The following CDH13 variants were observed in gnomAD, a reference collection of about 807,000 sequenced individuals.
CDH13 encodes cadherin 13, also known as cadherin-13.
Under a neutral mutation model 63.8 loss-of-function variants are expected in CDH13, and 24 were observed. The observed-to-expected ratio is 0.38, with a 90% CI of 0.27 to 0.53. CDH13 has a LOEUF of 0.53. Ranked by LOEUF, CDH13 falls within the 20% of genes least tolerant of loss-of-function variation. The probability of loss-of-function intolerance (pLI) is 0.85; values close to 1 mark genes in which losing one functional copy is unlikely to be tolerated. For synonymous variants in CDH13, 503 were observed against 355.3 expected (o/e 1.42, Z -4.67); for missense variants, 1,049 against 903.1 (o/e 1.16, Z -2.07).
intron 4 of CDH13, among the ~76,000 whole-genome samples, chr16:83,181,565 A>G (rs2038349565): frequency 6.6e-6 from 1 of 152,216 alleles, no homozygotes; most frequent in Non-Finnish European, 1.5e-5. Flanking sequence ...TACATGAGCT[A>G]GAATCTTATG....
intron 8 of CDH13, among the ~76,000 whole-genome samples, chr16:83,609,167 G>A (rs1034276277): frequency 1.3e-5 from 2 of 152,184 alleles, no homozygotes; most frequent in African/African-American, 4.8e-5. Flanking sequence ...CTGTGAGCTG[G>A]CAGCATGCAG....
intron 8 of CDH13, among the ~76,000 whole-genome samples, chr16:83,631,188 C>G (rs534590301): frequency 1.6e-4 from 25 of 152,312 alleles, no homozygotes; most frequent in African/African-American, 5.5e-4. Context: ...GAATGAAGCC[C>G]TCAGGTTATC....
intron 4 of CDH13, among the ~76,000 whole-genome samples, chr16:83,158,282 C>T (rs2037299595): frequency 6.6e-6 from 1 of 152,122 alleles, no homozygotes; most frequent in South Asian, 2.1e-4. Context: ...AGATTGTTTC[C>T]TGCTCCCTCC....
At chr16:82,676,376 TCA>T (rs937112309) in intron 1 of CDH13, among the ~76,000 whole-genome samples, 2 of 152,030 alleles carry the variant, frequency 1.3e-5, no homozygotes, top group African/African-American at 4.8e-5. Flanking sequence ...TTCCCCTTTC[TCA>T]CAGTCAATTA....
At chr16:83,381,064 T>C (rs1412480377) in intron 6 of CDH13, among the ~76,000 whole-genome samples, 1 of 152,190 alleles carries the variant, frequency 6.6e-6, no homozygotes, top group Non-Finnish European at 1.5e-5. Flanking sequence ...TTTTAATAAA[T>C]TCTGCAATTA....
intron 2 of CDH13, among the ~76,000 whole-genome samples, chr16:83,023,522 GTATT>G (rs2151458963): frequency 6.6e-6 from 1 of 152,310 alleles, no homozygotes; most frequent in East Asian, 1.9e-4. Flanking sequence ...GAGGTTTTGA[GTATT>G]TGTTCACAAG....
rs146375453 is a variant in CDH13 at position 83,090,676 on chromosome 16, C to G, written c.367-34709C>G. Among the ~76,000 whole-genome samples, 40 of 152,156 alleles carry G rather than the reference C, an allele frequency of 2.6e-4. No homozygotes were observed. In the East Asian group the frequency reaches 7.0e-3, roughly 26 times the overall value. ...TCTGCACTCTCGGTAATCCCTCTGA[C>G]TGACTCTCAAGTCTTCCCCGTCTGT... On this transcript the variant is annotated intron_variant, in intron 3 of 13. Transcript: ENST00000567109.
At chr16:83,736,197 C>T (rs191310111) in intron 10 of CDH13, among the ~76,000 whole-genome samples, 1 of 152,152 alleles carries the variant, frequency 6.6e-6, no homozygotes, top group Non-Finnish European at 1.5e-5. Flanking sequence ...TGAAAGCTAT[C>T]TTGTGGTTGC....
intron 10 of CDH13, among the ~76,000 whole-genome samples, chr16:83,695,086 A>T (rs762708491): frequency 3.3e-5 from 5 of 152,144 alleles, no homozygotes; most frequent in Non-Finnish European, 7.4e-5. Context: ...GCGTGCCCAT[A>T]GTCCCAGCTA....
intron 3 of CDH13, among the ~76,000 whole-genome samples, chr16:83,080,871 GTTTTTTTTTTT>G (rs71148809): frequency 8.5e-5 from 4 of 46,928 alleles, no homozygotes; most frequent in Non-Finnish European, 1.1e-4. Context: ...TTGTTTTTGT[GTTTTTTTTTTT>G]TTTTTTTTTT....
chr16:83,426,286 A>T (rs1482782362), intron 6 of CDH13, among the ~76,000 whole-genome samples: 1 of 152,088 alleles, frequency 6.6e-6, no homozygotes, highest in African/African-American at 2.4e-5. Context: ...CATTTGAGTG[A>T]TTTCTGCATC....
chr16:83,698,803 T>C (rs1905774209), intron 10 of CDH13, among the ~76,000 whole-genome samples: 1 of 152,224 alleles, frequency 6.6e-6, no homozygotes, highest in African/African-American at 2.4e-5. Flanking sequence ...ATAAACAATA[T>C]AGGTTTTATG....
At chr16:83,591,377 C>G (rs1598340536) in intron 7 of CDH13, among the ~76,000 whole-genome samples, 1 of 152,236 alleles carries the variant, frequency 6.6e-6, no homozygotes, top group Non-Finnish European at 1.5e-5. Context: ...GTGTTACAAT[C>G]TGTACTTCCT....
intron 10 of CDH13, among the ~76,000 whole-genome samples, chr16:83,743,420 G>A (rs1056442840): frequency 1.3e-5 from 2 of 152,096 alleles, no homozygotes; most frequent in African/African-American, 2.4e-5. Flanking sequence ...GACTGCCTCC[G>A]AGTTCATGTC....
At chr16:83,187,337 G>A (rs1019282320) in intron 4 of CDH13, among the ~76,000 whole-genome samples, 4 of 152,072 alleles carry the variant, frequency 2.6e-5, no homozygotes, top group African/African-American at 9.7e-5. Context: ...CATTATTAGA[G>A]CACCTTCATG....
At chr16:82,841,731 G>C (rs2039016820) in intron 1 of CDH13, among the ~76,000 whole-genome samples, 1 of 152,008 alleles carries the variant, frequency 6.6e-6, no homozygotes, top group South Asian at 2.1e-4. Context: ...GTGGTACAGT[G>C]TTATGATGGT....
At chr16:83,410,244 C>T (rs767993774) in intron 6 of CDH13, among the ~76,000 whole-genome samples, 20 of 152,182 alleles carry the variant, frequency 1.3e-4, no homozygotes, top group Non-Finnish European at 1.9e-4. Context: ...AGGTTCAATG[C>T]TACCCAAATT....
chr16:83,068,600 C>T lies in CDH13; in HGVS notation c.366+36382C>T, dbSNP rs914129888. On this transcript the variant is annotated intron_variant, in intron 3 of 13. Coordinates refer to ENST00000567109, the MANE Select transcript of CDH13 (RefSeq NM_001257.5). ...ACCAGCCACCTGACCATTCTTCTGACTTCCCAATAAGCCTTTGCCATCACC... is the reference window on the plus strand; with the variant it reads ...ACCAGCCACCTGACCATTCTTCTGATTTCCCAATAAGCCTTTGCCATCACC... Among the ~76,000 whole-genome samples, 2 of 152,210 alleles carry T rather than the reference C, an allele frequency of 1.3e-5. 1 individual carries two copies. Among genetic ancestry groups the T allele is most frequent in the Non-Finnish European group, 2.9e-5 (2 of 68,046 alleles).
intron 3 of CDH13, among the ~76,000 whole-genome samples, chr16:83,057,301 T>C (rs2031050059): frequency 6.6e-6 from 1 of 152,098 alleles, no homozygotes; most frequent in African/African-American, 2.4e-5. Flanking sequence ...GAGAACAGAC[T>C]AATACTTGTG....
Sources: gnomAD v4.1 joint callset for allele counts (sites outside exome capture counted in the v4.1 genomes callset) on GRCh38, gnomAD v4.1.1 for gene constraint, MANE v1.5 for transcripts, NCBI Gene and HGNC (gene_info 2026-07-23, HGNC 2026-07-21) for gene names.